NELL1: variants seen among roughly 807,000 people sequenced by gnomAD.
NELL1 encodes the protein neural EGFL like 1, also known as protein kinase C-binding protein NELL1.
In NELL1, 76 loss-of-function variants were observed where a neutral mutation model predicts 107.4. The observed-to-expected ratio is 0.71, with a 90% CI of 0.59 to 0.86. The LOEUF (loss-of-function observed/expected upper bound fraction) is 0.86, where lower values mean the gene tolerates loss of function less well. NELL1 is among the 40% of genes least tolerant of loss of function. NELL1 has a pLI of 0.00. For missense variants in NELL1, 1,024 were observed against 1,005.5 expected (o/e 1.02, Z -0.25); for synonymous variants, 353 against 341.2 (o/e 1.03, Z -0.38).
At chr11:21,447,912 C>A (rs952487899) in intron 15 of NELL1, among the ~76,000 whole-genome samples, 1 of 152,126 alleles carries the variant, frequency 6.6e-6, no homozygotes, top group African/African-American at 2.4e-5. Flanking sequence ...CTGACCACTG[C>A]AATGAGCATT....
intron 12 of NELL1, among the ~76,000 whole-genome samples, chr11:20,977,128 A>C (rs1228223676): frequency 6.6e-6 from 1 of 152,038 alleles, no homozygotes. Flanking sequence ...GAAGTGCTTT[A>C]ATATATATTG....
intron 14 of NELL1, among the ~76,000 whole-genome samples, chr11:21,333,113 A>G (rs989093353): frequency 2.0e-5 from 3 of 152,044 alleles, no homozygotes; most frequent in Admixed American, 1.3e-4. Context: ...TAAGATTAAG[A>G]CAGATAATAC....
At chr11:21,101,201 G>C (rs894709146) in intron 12 of NELL1, among the ~76,000 whole-genome samples, 4 of 152,158 alleles carry the variant, frequency 2.6e-5, no homozygotes, top group Non-Finnish European at 5.9e-5. Flanking sequence ...GTATTCCATG[G>C]TGTATATGTG....
intron 13 of NELL1, among the ~76,000 whole-genome samples, chr11:21,137,014 C>CAA (rs1855758473): frequency 6.6e-6 from 1 of 152,154 alleles, no homozygotes; most frequent in Non-Finnish European, 1.5e-5. Context: ...GAATCTAACT[C>CAA]AATCTGATTG....
At chr11:21,434,614 T>C (rs1853057656) in intron 15 of NELL1, among the ~76,000 whole-genome samples, 1 of 152,188 alleles carries the variant, frequency 6.6e-6, no homozygotes, top group South Asian at 2.1e-4. Flanking sequence ...TACTTTGAAG[T>C]CAGGTAGTGT....
intron 14 of NELL1, among the ~76,000 whole-genome samples, chr11:21,237,119 C>A (rs1472397817): frequency 6.6e-6 from 1 of 152,042 alleles, no homozygotes; most frequent in Non-Finnish European, 1.5e-5. Flanking sequence ...CCATGGGAAC[C>A]TGGAATTAGT....
chr11:21,214,461 T>C (rs900963198), intron 13 of NELL1, among the ~76,000 whole-genome samples: 1 of 152,114 alleles, frequency 6.6e-6, no homozygotes, highest in Non-Finnish European at 1.5e-5. Context: ...CATTGGCAGT[T>C]AGCACAATAT....
chr11:20,883,130 G>C (rs1464812163), intron 4 of NELL1, among the ~76,000 whole-genome samples: 3 of 152,200 alleles, frequency 2.0e-5, no homozygotes, highest in African/African-American at 7.2e-5. Flanking sequence ...GATTTGGCAG[G>C]GCTGCCAGGA....
At chr11:21,147,948 C>T (rs1448594629) in intron 13 of NELL1, among the ~76,000 whole-genome samples, 1 of 151,438 alleles carries the variant, frequency 6.6e-6, no homozygotes, top group Non-Finnish European at 1.5e-5. Flanking sequence ...CAGAGGTACC[C>T]TAATGGAAAG....
chr11:20,976,058 A>C (rs144140707), intron 12 of NELL1, among the ~76,000 whole-genome samples: 1 of 138,962 alleles, frequency 7.2e-6, no homozygotes, highest in Non-Finnish European at 1.5e-5. Context: ...ATATATACAT[A>C]TATCTGTACA....
intron 14 of NELL1, among the ~76,000 whole-genome samples, chr11:21,366,568 G>A (rs942483361): frequency 6.6e-6 from 1 of 151,960 alleles, no homozygotes; most frequent in African/African-American, 2.4e-5. Context: ...GAAGCACATA[G>A]AGCTTCCCAA....
At chr11:21,168,771 G>A (rs546585087) in intron 13 of NELL1, among the ~76,000 whole-genome samples, 2 of 151,852 alleles carry the variant, frequency 1.3e-5, no homozygotes, top group East Asian at 3.9e-4. Flanking sequence ...TAAGCTGCAT[G>A]GCCATCAACT....
intron 13 of NELL1, among the ~76,000 whole-genome samples, chr11:21,126,245 T>TA (rs1347405627): frequency 1.3e-5 from 2 of 152,110 alleles, no homozygotes; most frequent in Non-Finnish European, 2.9e-5. Flanking sequence ...AAAATGTCTT[T>TA]AAAATGCGAA....
At chr11:21,434,261 G>A (rs1296625894) in intron 15 of NELL1, among the ~76,000 whole-genome samples, 1 of 151,982 alleles carries the variant, frequency 6.6e-6, no homozygotes, top group Non-Finnish European at 1.5e-5. Context: ...CATAAAATCT[G>A]TACCAAGACC....
intron 14 of NELL1, among the ~76,000 whole-genome samples, chr11:21,274,967 C>A (rs1372676466): frequency 6.6e-6 from 1 of 152,056 alleles, no homozygotes; most frequent in Non-Finnish European, 1.5e-5. Flanking sequence ...AAAATTGATA[C>A]CCTAACATCA....
chr11:20,940,454 T>G (rs1329389240), intron 10 of NELL1, among the ~76,000 whole-genome samples: 1 of 152,156 alleles, frequency 6.6e-6, no homozygotes, highest in Non-Finnish European at 1.5e-5. Context: ...AGACGGGTTG[T>G]TGGCCAGGCT....
At chr11:20,987,863 A>G (rs940022554) in intron 12 of NELL1, among the ~76,000 whole-genome samples, 12 of 152,244 alleles carry the variant, frequency 7.9e-5, no homozygotes, top group African/African-American at 2.7e-4. Context: ...AACACATTTT[A>G]ATATTATAAT....
intron 12 of NELL1, among the ~76,000 whole-genome samples, chr11:21,105,497 G>T (rs971668441): frequency 2.0e-5 from 3 of 152,098 alleles, no homozygotes; most frequent in African/African-American, 7.2e-5. Flanking sequence ...TCCCTACTGT[G>T]AATGTGGTTG....
At chr11:20,776,771 G>A (rs1174418318) in intron 2 of NELL1, among the ~76,000 whole-genome samples, 1 of 152,108 alleles carries the variant, frequency 6.6e-6, no homozygotes, top group Non-Finnish European at 1.5e-5. Context: ...GGGCTGTGGG[G>A]GAGAGGAAAG....
Sources: gnomAD v4.1 joint callset for allele counts (sites outside exome capture counted in the v4.1 genomes callset) on GRCh38, gnomAD v4.1.1 for gene constraint, MANE v1.5 for transcripts, NCBI Gene and HGNC (gene_info 2026-07-23, HGNC 2026-07-21) for gene names.